CUX2: variants seen among roughly 807,000 people sequenced by gnomAD.
The protein encoded by CUX2 is cut like homeobox 2.
A neutral mutation model predicts 144.8 loss-of-function variants in CUX2; 40 were observed. The observed-to-expected ratio is 0.28, with a 90% CI of 0.21 to 0.36. CUX2 has a LOEUF of 0.36. Among genes scored for constraint, CUX2 ranks in the 10% least tolerant of loss-of-function variants. The pLI is 1.00. For synonymous variants in CUX2, 827 were observed against 875.6 expected, an observed-to-expected ratio of 0.94 and a Z score of 0.98; for missense variants, 1,615 against 1,994.0, an observed-to-expected ratio of 0.81 and a Z score of 3.62.
At chr12:111,339,975 C>G (rs1888512007) in intron 20 of CUX2, among the ~76,000 whole-genome samples, 1 of 151,976 alleles carries the variant, frequency 6.6e-6, no homozygotes, top group Non-Finnish European at 1.5e-5. Flanking sequence ...GTGGATGGAT[C>G]ACTTGAGGCC....
chr12:111,145,224 A>G (rs1003514071), intron 1 of CUX2, among the ~76,000 whole-genome samples: 2 of 152,192 alleles, frequency 1.3e-5, no homozygotes, highest in African/African-American at 4.8e-5. Flanking sequence ...GTTAACATGC[A>G]GGATTTCTTT....
chr12:111,143,886 G>T (rs1023367596), intron 1 of CUX2, among the ~76,000 whole-genome samples: 29 of 152,290 alleles, frequency 1.9e-4, no homozygotes, highest in African/African-American at 6.5e-4. Flanking sequence ...GGGAGTTGTT[G>T]CCCAAAACCT....
chr12:111,044,509 A>G (rs753691982), intron 1 of CUX2, among the ~76,000 whole-genome samples: 15 of 150,972 alleles, frequency 9.9e-5, no homozygotes, highest in African/African-American at 3.7e-4. Context: ...ATTTCCAAAC[A>G]CCTCCCTTCA....
At chr12:111,193,576 A>G (rs1880034606) in intron 1 of CUX2, among the ~76,000 whole-genome samples, 1 of 152,246 alleles carries the variant, frequency 6.6e-6, no homozygotes. Context: ...TGTAATTGTA[A>G]CGCCGGCCGC....
Position 111,320,297 on chromosome 12 carries a change from C to A in CUX2, c.2288C>A (p.Ser763Tyr). 3.1e-6 allele frequency: 5 copies of A among 1,597,382 alleles called. No individual in the cohort carries two copies. The highest frequency in any genetic ancestry group is 4.2e-6 in the Non-Finnish European group (5 of 1,178,894). ...GPAQAPLPVL[S>Y]PAAFVQSIIR... ...GCGCAGGCGCCGCTCCCGGTCCTGT[C>A]CCCCGCCGCCTTCGTGCAGAGCATC... The change falls in exon 17 of 22, where the codon TCC becomes TAC. Residue 763 changes from serine (S) to tyrosine (Y), a missense_variant. Physicochemically the swap from Ser to Tyr is moderately radical, Grantham distance 144. Around this residue, in one of 12 missense-constraint regions of CUX2, gnomAD observed 390 missense variants for 387.1 expected, o/e 1.01. Coordinates refer to ENST00000261726, the MANE Select transcript of CUX2 (RefSeq NM_015267.4). The surrounding 1 kb of genome is among the most constrained non-coding windows in gnomAD (Gnocchi z 8.1).
intron 1 of CUX2, among the ~76,000 whole-genome samples, chr12:111,107,118 C>A (rs1178088652): frequency 6.6e-6 from 1 of 152,220 alleles, no homozygotes; most frequent in Admixed American, 6.5e-5. Flanking sequence ...ACTTCTGTCC[C>A]CATTTTACAG....
chr12:111,343,238 G>A (rs1195370420), intron 21 of CUX2, among the ~76,000 whole-genome samples: 6 of 152,046 alleles, frequency 3.9e-5, no homozygotes, highest in Admixed American at 1.3e-4. Context: ...GAGAGTGGGT[G>A]ATTCCTACTT....
intron 1 of CUX2, among the ~76,000 whole-genome samples, chr12:111,128,332 G>A (rs569247640): frequency 1.4e-4 from 22 of 152,156 alleles, no homozygotes; most frequent in Non-Finnish European, 2.9e-4. Flanking sequence ...CTTGCCAGTG[G>A]TGCCTACATA....
intron 20 of CUX2, 143 bp from the exon 21 acceptor site, chr12:111,341,637 C>A: frequency 1.1e-6 from 1 of 945,722 alleles, no homozygotes; most frequent in Non-Finnish European, 1.6e-6. Context: ...GGGAGAAAGG[C>A]TGGGGGGCGG....
chr12:111,123,943 G>A (rs932807307), intron 1 of CUX2, among the ~76,000 whole-genome samples: 65 of 152,178 alleles, frequency 4.3e-4, no homozygotes, highest in Middle Eastern at 3.2e-3. Flanking sequence ...TCAGAGCTGG[G>A]ATTTGAACCC....
In CUX2 at chr12:111,039,550, C is replaced by G. The variant is rs1466072069; in HGVS notation, c.63+5310C>G. Among the ~76,000 whole-genome samples the G allele has an allele frequency of 2.0e-5, 3 of 152,100 alleles. No homozygotes were observed. ...GGTCACTTAAATGCATTGTCTTCTT[C>G]TTTTTTGTTTTTTCAAGATGGAGTC... On this transcript the variant is annotated intron_variant, in intron 1 of 21. Transcript: ENST00000261726. The surrounding 1 kb of genome is among the most constrained non-coding windows in gnomAD (Gnocchi z 4.2).
At position 111,350,030 on chromosome 12, in the gene CUX2, AC is replaced by A. The variant is rs1481521186; in HGVS notation, c.*1708del. 6.6e-6 allele frequency: 1 copy of A among 152,522 alleles called. No individual in the cohort carries two copies. Among genetic ancestry groups the A allele is most frequent in the African/African-American group, 2.4e-5 (1 of 41,418 alleles). The allele number at this position is 152,522 out of a possible 1,614,324, so 9.4% of individuals were successfully genotyped here. On this transcript the variant is annotated 3_prime_UTR_variant, in exon 22 of 22. Coordinates refer to ENST00000261726, the MANE Select transcript of CUX2 (RefSeq NM_015267.4). ...ACACCAAACAGTCAACAAAACACAAACCCTGAAGGAAAACCTTTTCCATACA... is the reference window on the plus strand; with the variant it reads ...ACACCAAACAGTCAACAAAACACAAACCTGAAGGAAAACCTTTTCCATACA...
chr12:111,330,712 T>TATATATATGTATATATATACATATAC, intron 18 of CUX2, among the ~76,000 whole-genome samples: 1 of 27,254 alleles, frequency 3.7e-5, no homozygotes, highest in East Asian at 8.8e-4. Context: ...TATATATATA[T>TATATATATGTATATATATACATATAC]ATATATATAT....
chr12:111,042,235 C>T (rs1228069980), intron 1 of CUX2, among the ~76,000 whole-genome samples: 1 of 152,176 alleles, frequency 6.6e-6, no homozygotes, highest in African/African-American at 2.4e-5. Context: ...GGTCGATTGA[C>T]TTGCCCAGCC....
At chr12:111,321,762 G>C (rs1887546195) in intron 17 of CUX2, among the ~76,000 whole-genome samples, 1 of 152,162 alleles carries the variant, frequency 6.6e-6, no homozygotes, top group African/African-American at 2.4e-5. Flanking sequence ...TTCCTGATTG[G>C]TTGGTGCCCC....
At chr12:111,197,541 C>G (rs77046851) in intron 1 of CUX2, among the ~76,000 whole-genome samples, 1 of 152,198 alleles carries the variant, frequency 6.6e-6, no homozygotes, top group Non-Finnish European at 1.5e-5. Context: ...TGGCAAGCAG[C>G]GTGTAGGCAT....
intron 1 of CUX2, among the ~76,000 whole-genome samples, chr12:111,174,751 A>G (rs929949613): frequency 2.0e-5 from 3 of 152,336 alleles, no homozygotes; most frequent in East Asian, 1.9e-4. Flanking sequence ...GAACAGGGAC[A>G]TCACCACCCG....
At position 111,348,278 on chromosome 12, in the gene CUX2, G is replaced by A; in HGVS notation, c.4414G>A (p.Val1472Ile). 1 of 1,613,654 alleles carries A rather than the reference G, an allele frequency of 6.2e-7. No individual in the cohort carries two copies. Among genetic ancestry groups the A allele is most frequent in the Non-Finnish European group, 8.5e-7 (1 of 1,180,010 alleles). Reference protein sequence around the residue: ...MANLNNIIYRVERAANREEAL... With the variant: ...MANLNNIIYRIERAANREEAL... ...CAATCTGAACAACATCATTTACCGA[G>A]TAGAGCGGGCTGCCAATCGGGAGGA... The change falls in exon 22 of 22, where the codon GTA becomes ATA. Residue 1472 changes from valine to isoleucine, a missense_variant. This residue lies in a region of CUX2 where 298 missense variants were observed against 330.4 expected (regional missense o/e 0.90). Transcript: ENST00000261726.
At chr12:111,118,052 A>C (rs1422198154) in intron 1 of CUX2, among the ~76,000 whole-genome samples, 1 of 152,162 alleles carries the variant, frequency 6.6e-6, no homozygotes, top group Non-Finnish European at 1.5e-5. Flanking sequence ...TGATGACCAG[A>C]CATCCTTCCC....
Sources: allele counts gnomAD v4.1 joint callset (sites outside exome capture counted in the v4.1 genomes callset), GRCh38; gene constraint gnomAD v4.1.1; regional missense constraint gnomAD v4.1.1; non-coding constraint Gnocchi (gnomAD v3.1); transcripts MANE v1.5; gene names NCBI Gene and HGNC (gene_info 2026-07-23, HGNC 2026-07-21).